The following LMOD1 variants were observed in gnomAD, a reference collection of about 807,000 sequenced individuals.
LMOD1 encodes leiomodin-1.
In LMOD1, 8 loss-of-function variants were observed where a neutral mutation model predicts 36.5. The ratio of observed to expected loss-of-function variants is 0.22; its 90% CI spans 0.13 to 0.40. LMOD1 has a LOEUF of 0.40. LMOD1 is among the 10% of genes least tolerant of loss of function. The pLI is 1.00. For missense variants in LMOD1, 630 were observed against 751.1 expected, an observed-to-expected ratio of 0.84 and a Z score of 1.88; for synonymous variants, 284 against 288.7, an observed-to-expected ratio of 0.98 and a Z score of 0.17.
Position 201,899,672 on chromosome 1 carries a change from C to A in LMOD1, c.1341G>T (p.Leu447=). Residue 447 remains leucine, a synonymous_variant, in exon 2 of 3, where the codon CTG becomes CTT. Transcript: ENST00000367288. This position sits in a 1 kb window ranked among gnomAD's most constrained non-coding sequence, Gnocchi z 6.3. ...GCTCAAAATGGTAGCCCAGCTTGAG[C>A]AGGGTAGTATTCTCCTTCAGCAGCT... ...IAKLLKENTT[L]LKLGYHFELA... The A allele has an allele frequency of 1.2e-6, 2 of 1,613,996 alleles. No individual in the cohort carries two copies. The highest frequency in any genetic ancestry group is 2.2e-5 in the South Asian group (2 of 91,070).
At chr1:201,910,359 C>T (rs1014576012) in intron 1 of LMOD1, among the ~76,000 whole-genome samples, 3 of 151,816 alleles carry the variant, frequency 2.0e-5, no homozygotes, top group Non-Finnish European at 2.9e-5. Flanking sequence ...CTGCAGCCTC[C>T]GTCTCCCAGG....
intron 1 of LMOD1, among the ~76,000 whole-genome samples, chr1:201,922,888 G>A (rs913919387): frequency 2.0e-5 from 3 of 151,772 alleles, no homozygotes; most frequent in African/African-American, 4.8e-5. Flanking sequence ...GCAGTGGCAC[G>A]ATCTCGGCTC....
At chr1:201,942,091 C>A (rs535426919) in intron 1 of LMOD1, among the ~76,000 whole-genome samples, 247 of 152,346 alleles carry the variant, frequency 1.6e-3, no homozygotes, top group African/African-American at 5.1e-3. Context: ...CGGAGCTACA[C>A]TGGCTGACAG....
intron 1 of LMOD1, among the ~76,000 whole-genome samples, chr1:201,939,874 G>A (rs1451703255): frequency 6.6e-6 from 1 of 151,938 alleles, no homozygotes; most frequent in Non-Finnish European, 1.5e-5. Flanking sequence ...ATGCTGACAC[G>A]GTCTGACAAA....
intron 1 of LMOD1, among the ~76,000 whole-genome samples, chr1:201,920,217 G>A (rs1218302960): frequency 4.6e-5 from 7 of 151,660 alleles, no homozygotes; most frequent in Admixed American, 2.0e-4. Flanking sequence ...CCACCACCAC[G>A]CCTGGTTAAT....
chr1:201,936,096 C>CA (rs61077548), intron 1 of LMOD1, among the ~76,000 whole-genome samples: 6,187 of 72,338 alleles, frequency 0.086, 405 homozygotes, highest in African/African-American at 0.16. Flanking sequence ...GACCTTGTCT[C>CA]AAAAAAAAAA....
intron 1 of LMOD1, among the ~76,000 whole-genome samples, chr1:201,912,136 G>T (rs952201908): frequency 6.6e-6 from 1 of 152,198 alleles, no homozygotes; most frequent in African/African-American, 2.4e-5. Flanking sequence ...CATTTGAGCT[G>T]GTTCCTGAAG....
intron 1 of LMOD1, among the ~76,000 whole-genome samples, chr1:201,930,937 G>T (rs563774244): frequency 1.3e-5 from 2 of 152,342 alleles, no homozygotes; most frequent in South Asian, 4.1e-4. Flanking sequence ...AGACTAAAAG[G>T]TGTGTTCAGA....
intron 1 of LMOD1, among the ~76,000 whole-genome samples, chr1:201,926,286 G>A (rs1681825397): frequency 6.6e-6 from 1 of 152,152 alleles, no homozygotes; most frequent in Admixed American, 6.5e-5. Flanking sequence ...TGCCCAGTGA[G>A]TCTTTTTTCT....
chr1:201,937,066 G>C (rs1682031849), intron 1 of LMOD1, among the ~76,000 whole-genome samples: 1 of 152,148 alleles, frequency 6.6e-6, no homozygotes, highest in Non-Finnish European at 1.5e-5. Flanking sequence ...TTTTTTAGAA[G>C]ATATATGTCA....
At chr1:201,900,834 C>T (rs1022069691) in intron 1 of LMOD1, 83 bp from the exon 2 acceptor site, 2 of 1,208,754 alleles carry the variant, frequency 1.7e-6, no homozygotes, top group African/African-American at 1.5e-5. Context: ...TGGGGGAGCG[C>T]TTACATAACT....
At chr1:201,912,715 C>G (rs1386455855) in intron 1 of LMOD1, among the ~76,000 whole-genome samples, 1 of 151,950 alleles carries the variant, frequency 6.6e-6, no homozygotes, top group Non-Finnish European at 1.5e-5. Context: ...AAAAATTAGC[C>G]GGGCGTGGTG....
At chr1:201,931,150 G>C (rs146106599) in intron 1 of LMOD1, among the ~76,000 whole-genome samples, 2 of 152,216 alleles carry the variant, frequency 1.3e-5, no homozygotes, top group Non-Finnish European at 1.5e-5. Flanking sequence ...AAGGAGCAAA[G>C]GTCGTGTGGA....
intron 1 of LMOD1, among the ~76,000 whole-genome samples, chr1:201,937,402 G>A (rs1682036148): frequency 6.6e-6 from 1 of 151,848 alleles, no homozygotes; most frequent in African/African-American, 2.4e-5. Flanking sequence ...AACTGAGATT[G>A]CACTACTCTA....
At chr1:201,905,095 G>A (rs766139292) in intron 1 of LMOD1, among the ~76,000 whole-genome samples, 5 of 152,228 alleles carry the variant, frequency 3.3e-5, no homozygotes, top group Non-Finnish European at 4.4e-5. Flanking sequence ...AGGTCCACAG[G>A]CCTCTTGATG....
At chr1:201,903,110 G>A (rs1474404619) in intron 1 of LMOD1, among the ~76,000 whole-genome samples, 1 of 152,212 alleles carries the variant, frequency 6.6e-6, no homozygotes, top group Non-Finnish European at 1.5e-5. Context: ...CGCACTCTCG[G>A]GCCCAAGTAG....
At chr1:201,927,005 G>A (rs2102924143) in intron 1 of LMOD1, among the ~76,000 whole-genome samples, 1 of 152,294 alleles carries the variant, frequency 6.6e-6, no homozygotes, top group Middle Eastern at 3.4e-3. Context: ...CTTTAGCTAA[G>A]ACAAAGAATT....
intron 1 of LMOD1, among the ~76,000 whole-genome samples, chr1:201,911,668 GAAAC>G (rs1681499519): frequency 6.6e-6 from 1 of 152,096 alleles, no homozygotes; most frequent in African/African-American, 2.4e-5. Flanking sequence ...ACCCTGTCTT[GAAAC>G]AAACAGACAA....
intron 1 of LMOD1, among the ~76,000 whole-genome samples, chr1:201,944,357 G>T (rs1009071294): frequency 6.6e-6 from 1 of 152,172 alleles, no homozygotes; most frequent in African/African-American, 2.4e-5. Context: ...TGATTAGACT[G>T]CTTTGTTTGA....
Sources: gnomAD v4.1 joint callset for allele counts (sites outside exome capture counted in the v4.1 genomes callset) on GRCh38, gnomAD v4.1.1 for gene constraint, Gnocchi (gnomAD v3.1) non-coding constraint, MANE v1.5 for transcripts, NCBI Gene and HGNC (gene_info 2026-07-23, HGNC 2026-07-21) for gene names.